GMDS: variants seen among roughly 807,000 people sequenced by gnomAD.
GMDS encodes GDP-mannose 4,6-dehydratase.
Under a neutral mutation model 49.9 loss-of-function variants are expected in GMDS, and 20 were observed. The ratio of observed to expected loss-of-function variants is 0.40; its 90% CI spans 0.28 to 0.58. The LOEUF is 0.58. Among genes scored for constraint, GMDS ranks in the 20% least tolerant of loss-of-function variants. GMDS has a pLI of 0.42. For missense variants in GMDS, 362 were observed against 481.4 expected, an observed-to-expected ratio of 0.75 and a Z score of 2.32; for synonymous variants, 177 against 178.6, an observed-to-expected ratio of 0.99 and a Z score of 0.07.
chr6:1,743,370 T>C (rs1251820857), intron 7 of GMDS, among the ~76,000 whole-genome samples: 1 of 137,040 alleles, frequency 7.3e-6, no homozygotes, highest in African/African-American at 2.6e-5. Context: ...GGAAACCCCG[T>C]CTCTACTAAA....
chr6:1,738,031 C>CA (rs1561769610), intron 8 of GMDS, among the ~76,000 whole-genome samples: 9 of 145,076 alleles, frequency 6.2e-5, no homozygotes, highest in Admixed American at 5.4e-4. Context: ...CATACACACA[C>CA]CACACACACA....
At chr6:1,840,523 T>C (rs993004544) in intron 7 of GMDS, among the ~76,000 whole-genome samples, 1 of 152,216 alleles carries the variant, frequency 6.6e-6, no homozygotes, top group Non-Finnish European at 1.5e-5. Flanking sequence ...CATGTATTGC[T>C]GATATCCAGC....
intron 4 of GMDS, among the ~76,000 whole-genome samples, chr6:2,003,663 A>C (rs897534273): frequency 2.6e-5 from 4 of 152,198 alleles, no homozygotes; most frequent in African/African-American, 9.7e-5. Context: ...AAGCAGTTAA[A>C]TTGGAGTACA....
chr6:1,899,574 T>C (rs1477368440), intron 7 of GMDS, among the ~76,000 whole-genome samples: 1 of 152,208 alleles, frequency 6.6e-6, no homozygotes, highest in African/African-American at 2.4e-5. Flanking sequence ...CGGTGGGCCA[T>C]TCCAGGAGAT....
intron 7 of GMDS, among the ~76,000 whole-genome samples, chr6:1,898,025 A>C (rs1312799525): frequency 8.4e-6 from 1 of 119,304 alleles, no homozygotes; most frequent in African/African-American, 3.1e-5. Context: ...CTCCCTTGCC[A>C]TCCTGGACAC....
chr6:2,235,696 C>A (rs985345154), intron 1 of GMDS, among the ~76,000 whole-genome samples: 2 of 151,682 alleles, frequency 1.3e-5, no homozygotes, highest in Non-Finnish European at 2.9e-5. Flanking sequence ...TCTGTGATCC[C>A]AGCTTCTCGG....
chr6:1,960,090 A>T, intron 5 of GMDS, 119 bp from the exon 6 acceptor site: 1 of 546,924 alleles, frequency 1.8e-6, no homozygotes, highest in Non-Finnish European at 3.3e-6. Flanking sequence ...AATACAAAAA[A>T]GTATCAAAAC....
At position 1,624,035 on chromosome 6, in the gene GMDS, G is replaced by A. The variant is rs977718872; in HGVS notation, c.*134C>T. 3.4e-5 allele frequency: 25 copies of A among 735,634 alleles called. No homozygotes were observed. The highest frequency in any genetic ancestry group is 3.0e-4 in the African/African-American group (17 of 56,496). 45.6% of individuals were successfully genotyped at this position (735,634 alleles called of 1,614,324 possible). On this transcript the variant is annotated 3_prime_UTR_variant, in exon 11 of 11. Transcript: ENST00000380815. ...GCGGGGCGGCCCCGCTCTTGCGGCCGGGACAGCGCAGCGGCAGCAGGGGCC... is the reference window on the plus strand; with the variant it reads ...GCGGGGCGGCCCCGCTCTTGCGGCCAGGACAGCGCAGCGGCAGCAGGGGCC...
intron 7 of GMDS, among the ~76,000 whole-genome samples, chr6:1,870,639 A>G (rs1758689518): frequency 6.6e-6 from 1 of 152,210 alleles, no homozygotes. Context: ...TGAGATAAAT[A>G]TCTTTAAATA....
chr6:2,131,472 A>T (rs1775734441), intron 1 of GMDS, among the ~76,000 whole-genome samples: 1 of 152,190 alleles, frequency 6.6e-6, no homozygotes, highest in Non-Finnish European at 1.5e-5. Context: ...CGATGGATCC[A>T]CCTACAATTC....
At chr6:1,708,231 A>G (rs1765808954) in intron 9 of GMDS, among the ~76,000 whole-genome samples, 2 of 152,202 alleles carry the variant, frequency 1.3e-5, no homozygotes, top group African/African-American at 4.8e-5. Flanking sequence ...GCATCTGGGT[A>G]TATCTCAAAG....
At chr6:1,680,358 G>C (rs1241686172) in intron 9 of GMDS, among the ~76,000 whole-genome samples, 3 of 152,340 alleles carry the variant, frequency 2.0e-5, no homozygotes, top group East Asian at 3.9e-4. Context: ...AGAGAGCTGA[G>C]TGGCAGTAAA....
Position 1,652,428 on chromosome 6 carries a change from A to T in GMDS, c.988-27888T>A, listed in dbSNP as rs1367933337. On this transcript the variant is annotated intron_variant, in intron 9 of 10. Coordinates refer to ENST00000380815, the MANE Select transcript of GMDS (RefSeq NM_001500.4). Reference sequence around the variant, plus strand: ...TATATATTATATATAATATATATATAATATATTATATATATTTATATATTA... The same window carrying T: ...TATATATTATATATAATATATATATTATATATTATATATATTTATATATTA... Among the ~76,000 whole-genome samples the T allele has an allele frequency of 5.6e-3, 119 of 21,256 alleles. 1 individual carries two copies. Among genetic ancestry groups the T allele is most frequent in the Non-Finnish European group, 8.1e-3 (95 of 11,674 alleles). The allele number at this position is 21,256 out of a possible 152,430, so 13.9% of individuals were successfully genotyped here.
intron 7 of GMDS, among the ~76,000 whole-genome samples, chr6:1,838,144 G>A (rs1010268629): frequency 6.6e-6 from 1 of 152,156 alleles, no homozygotes; most frequent in African/African-American, 2.4e-5. Context: ...AAAAAGGGAG[G>A]AGGCTTTGCT....
At chr6:2,163,441 G>C (rs1026590814) in intron 1 of GMDS, among the ~76,000 whole-genome samples, 9 of 124,854 alleles carry the variant, frequency 7.2e-5, no homozygotes, top group African/African-American at 5.0e-4. Flanking sequence ...GTGTGTGAGA[G>C]AGAGAGAGAG....
At chr6:2,007,769 G>A (rs1213671371) in intron 4 of GMDS, among the ~76,000 whole-genome samples, 1 of 152,068 alleles carries the variant, frequency 6.6e-6, no homozygotes, top group African/African-American at 2.4e-5. Flanking sequence ...AAGGGCTTTT[G>A]CACTGTTGAA....
At chr6:2,041,078 C>T (rs1453156504) in intron 4 of GMDS, among the ~76,000 whole-genome samples, 1 of 152,152 alleles carries the variant, frequency 6.6e-6, no homozygotes, top group Non-Finnish European at 1.5e-5. Context: ...ACAGAGACAA[C>T]TTTACTTGCA....
At chr6:1,888,760 A>C (rs1438595091) in intron 7 of GMDS, among the ~76,000 whole-genome samples, 1 of 152,178 alleles carries the variant, frequency 6.6e-6, no homozygotes, top group African/African-American at 2.4e-5. Context: ...TGCAAAATCT[A>C]AAGCAAGTTA....
intron 9 of GMDS, among the ~76,000 whole-genome samples, chr6:1,692,563 C>A (rs971839351): frequency 1.3e-5 from 2 of 152,214 alleles, no homozygotes; most frequent in Non-Finnish European, 2.9e-5. Flanking sequence ...AAGTTGTCCT[C>A]CAGAACTGAT....
Sources: gnomAD v4.1 joint callset for allele counts (sites outside exome capture counted in the v4.1 genomes callset) on GRCh38, gnomAD v4.1.1 for gene constraint, MANE v1.5 for transcripts, NCBI Gene and HGNC (gene_info 2026-07-23, HGNC 2026-07-21) for gene names.